TCF12: variants seen among roughly 807,000 people sequenced by gnomAD.
TCF12 encodes the protein DNA-binding protein HTF4.
In TCF12, 45 loss-of-function variants were observed where a neutral mutation model predicts 86.0. That is an observed-to-expected ratio of 0.52 (90% CI 0.41 to 0.67). The LOEUF is 0.67. Ranked by LOEUF, TCF12 falls within the 30% of genes least tolerant of loss-of-function variation. The pLI, the probability that TCF12 is intolerant of heterozygous loss-of-function variation, is 0.00. For synonymous variants in TCF12, 330 were observed against 299.6 expected, an observed-to-expected ratio of 1.10 and a Z score of -1.05; for missense variants, 881 against 859.9, an observed-to-expected ratio of 1.02 and a Z score of -0.31.
In TCF12 at chr15:57,098,537, T is replaced by A. The variant is rs558258269; in HGVS notation, c.325+6646T>A. On this transcript the variant is annotated intron_variant, in intron 5 of 20. Transcript: ENST00000333725. Reference sequence around the variant, plus strand: ...GAATATTAAAGTGAATAATATTCAGTCTATCTTTATAGACTATTATTTTAG... The same window carrying A: ...GAATATTAAAGTGAATAATATTCAGACTATCTTTATAGACTATTATTTTAG... Among the ~76,000 whole-genome samples, 4 of 152,324 alleles carry A rather than the reference T, an allele frequency of 2.6e-5. No homozygotes were observed. The South Asian group carries it at 8.3e-4, about 32-fold the overall frequency.
intron 5 of TCF12, among the ~76,000 whole-genome samples, chr15:57,093,225 CTTT>C (rs2049105940): frequency 2.6e-5 from 4 of 152,080 alleles, no homozygotes; most frequent in African/African-American, 9.7e-5. Context: ...CTAGGGAAAA[CTTT>C]CTAATTTATT....
At position 57,263,948 on chromosome 15, in the gene TCF12, GTGAA is replaced by G. The variant is rs2060710868; in HGVS notation, c.1745+677_1745+680del. 2.6e-5 allele frequency among the ~76,000 whole-genome samples: 4 copies of G among 152,254 alleles called. No homozygotes were observed. The South Asian group carries it at 8.3e-4, about 32-fold the overall frequency. ...GGGTGATTCAATGAGCAGGTGGTGAGTGAATGTGAAGGCCTAGGACATTTCTGTA... is the reference window on the plus strand; with the variant it reads ...GGGTGATTCAATGAGCAGGTGGTGAGTGTGAAGGCCTAGGACATTTCTGTA... On this transcript the variant is annotated intron_variant, in intron 18 of 20. Transcript: ENST00000333725.
intron 5 of TCF12, among the ~76,000 whole-genome samples, chr15:57,163,818 A>G (rs572449571): frequency 1.6e-4 from 24 of 152,352 alleles, no homozygotes; most frequent in African/African-American, 5.5e-4. Flanking sequence ...ATCAAAATGG[A>G]TCAGAAATCT....
chr15:57,054,920 C>T (rs2067892999), intron 3 of TCF12, among the ~76,000 whole-genome samples: 1 of 151,376 alleles, frequency 6.6e-6, no homozygotes, highest in African/African-American at 2.4e-5. Flanking sequence ...GGTCTATTTA[C>T]TGCCTTCCTT....
At position 57,268,719 on chromosome 15, in the gene TCF12, G is replaced by GT. The variant is rs574554198; in HGVS notation, c.1746-4302dup. ...CTGTTACAGAGCATCTCCCTCATAT[G>GT]TTTTTTTTTCTGATTATGTAGTCTA... On this transcript the variant is annotated intron_variant, in intron 18 of 20. Coordinates refer to ENST00000333725, the MANE Select transcript of TCF12 (RefSeq NM_207037.2). 2.6e-3 allele frequency among the ~76,000 whole-genome samples: 399 copies of GT among 150,978 alleles called. 5 individuals are homozygous for GT. In the South Asian group the frequency reaches 0.037, roughly 14 times the overall value.
chr15:57,261,741 T>C (rs762389538), intron 16 of TCF12, among the ~76,000 whole-genome samples: 1 of 45,262 alleles, frequency 2.2e-5, no homozygotes, highest in Non-Finnish European at 4.2e-5. Context: ...TTAGGTATTA[T>C]ATGAAATAGA....
intron 3 of TCF12, among the ~76,000 whole-genome samples, chr15:57,036,235 C>T (rs2066498868): frequency 6.6e-6 from 1 of 151,650 alleles, no homozygotes; most frequent in South Asian, 2.1e-4. Flanking sequence ...GTAATGAAGG[C>T]ATCTTGATAT....
At chr15:57,128,316 T>C (rs1308162367) in intron 5 of TCF12, among the ~76,000 whole-genome samples, 1 of 152,214 alleles carries the variant, frequency 6.6e-6, no homozygotes, top group Non-Finnish European at 1.5e-5. Flanking sequence ...CATGTTTAAC[T>C]TCTACCGCAT....
In TCF12 at chr15:57,232,268, T is replaced by C. The variant is rs373359949; in HGVS notation, c.686-23T>C. The C allele has an allele frequency of 8.7e-6, 14 of 1,612,350 alleles. No homozygotes were observed. The African/African-American group carries it at 1.9e-4, about 22-fold the overall frequency. On this transcript the variant is annotated intron_variant, in intron 9 of 20. Coordinates refer to ENST00000333725, the MANE Select transcript of TCF12 (RefSeq NM_207037.2). ...AGAAAATTTTTAGCTAAGGAAAATT[T>C]TATATTTCTCTTTTTGTCTTAGATG...
intron 5 of TCF12, among the ~76,000 whole-genome samples, chr15:57,137,952 G>A (rs1242347331): frequency 1.3e-5 from 2 of 152,094 alleles, no homozygotes; most frequent in Non-Finnish European, 2.9e-5. Flanking sequence ...ATTTGAACCC[G>A]GGAGGTAGAG....
At chr15:56,995,690 A>G (rs1425283344) in intron 3 of TCF12, among the ~76,000 whole-genome samples, 1 of 151,994 alleles carries the variant, frequency 6.6e-6, no homozygotes, top group African/African-American at 2.4e-5. Flanking sequence ...TAGGAGCCTT[A>G]TGGTATAGTC....
chr15:57,201,832 T>C (rs556929543), intron 8 of TCF12, among the ~76,000 whole-genome samples: 1 of 152,334 alleles, frequency 6.6e-6, no homozygotes, highest in South Asian at 2.1e-4. Context: ...GTCTTTGTTC[T>C]TTGCATGTAC....
chr15:56,933,849 C>G (rs1169346781), intron 3 of TCF12, among the ~76,000 whole-genome samples: 1 of 151,978 alleles, frequency 6.6e-6, no homozygotes, highest in Admixed American at 6.6e-5. Context: ...CTGAGAGGAA[C>G]ACTAGCCTAT....
At chr15:57,217,034 A>G (rs1303861557) in intron 8 of TCF12, among the ~76,000 whole-genome samples, 2 of 152,088 alleles carry the variant, frequency 1.3e-5, no homozygotes, top group Non-Finnish European at 2.9e-5. Context: ...TCTATGCTCA[A>G]TTTAGGCAGT....
At chr15:57,227,458 T>C (rs2058943847) in intron 8 of TCF12, among the ~76,000 whole-genome samples, 1 of 152,108 alleles carries the variant, frequency 6.6e-6, no homozygotes, top group African/African-American at 2.4e-5. Flanking sequence ...TCAAATTTGT[T>C]GTATGAACTA....
At chr15:56,945,472 G>A (rs552999046) in intron 3 of TCF12, among the ~76,000 whole-genome samples, 1 of 152,072 alleles carries the variant, frequency 6.6e-6, no homozygotes, top group East Asian at 1.9e-4. Context: ...GCTTATCTGA[G>A]AGGTTTTAAT....
intron 3 of TCF12, among the ~76,000 whole-genome samples, chr15:56,929,862 C>T (rs1412001732): frequency 1.3e-5 from 2 of 152,020 alleles, no homozygotes; most frequent in African/African-American, 4.8e-5. Context: ...AGGAAGGTGC[C>T]TGAATTTGAA....
At chr15:57,239,881 G>T (rs1239150935) in intron 12 of TCF12, among the ~76,000 whole-genome samples, 2 of 152,156 alleles carry the variant, frequency 1.3e-5, no homozygotes, top group African/African-American at 4.8e-5. Context: ...GAGATGAAAA[G>T]AGATCCTGTC....
At chr15:57,031,559 G>A (rs1240421888) in intron 3 of TCF12, among the ~76,000 whole-genome samples, 1 of 152,190 alleles carries the variant, frequency 6.6e-6, no homozygotes, top group Admixed American at 6.5e-5. Flanking sequence ...GTAATATGGA[G>A]TGAACACACA....
Sources: gnomAD v4.1 joint callset for allele counts (sites outside exome capture counted in the v4.1 genomes callset) on GRCh38, gnomAD v4.1.1 for gene constraint, MANE v1.5 for transcripts, NCBI Gene and HGNC (gene_info 2026-07-23, HGNC 2026-07-21) for gene names.